The following VIPR2 variants were observed in gnomAD, a reference collection of about 807,000 sequenced individuals.
VIPR2 encodes the protein vasoactive intestinal peptide receptor 2.
A neutral mutation model predicts 58.0 loss-of-function variants in VIPR2; 48 were observed. The observed-to-expected ratio is 0.83, with a 90% CI of 0.66 to 1.05. VIPR2 has a LOEUF of 1.05. Ranked by LOEUF, VIPR2 falls within the 50% of genes least tolerant of loss-of-function variation. VIPR2 has a pLI of 0.00. For missense variants in VIPR2, 534 were observed against 558.0 expected (o/e 0.96, Z 0.43); for synonymous variants, 243 against 235.2 (o/e 1.03, Z -0.30).
rs146578970 is a variant in VIPR2, at chr7:159,067,038, T to G, written c.358-8460A>C. 3.0e-4 allele frequency among the ~76,000 whole-genome samples: 45 copies of G among 152,280 alleles called. No individual in the cohort carries two copies. The South Asian group carries it at 9.2e-3, about 31-fold the overall frequency. On this transcript the variant is annotated intron_variant, in intron 4 of 12. Coordinates refer to ENST00000262178, the MANE Select transcript of VIPR2 (RefSeq NM_003382.5). ...TACTGAGATCGAAGTTAATTAAACT[T>G]ACGTAAAATTGACACGCCAGTGACT...
chr7:159,076,873 A>G (rs1856661490), intron 4 of VIPR2, among the ~76,000 whole-genome samples: 1 of 152,214 alleles, frequency 6.6e-6, no homozygotes, highest in African/African-American at 2.4e-5. Flanking sequence ...ATACAGACAT[A>G]CAACTTTTAT....
intron 2 of VIPR2, among the ~76,000 whole-genome samples, chr7:159,114,119 C>T (rs1053575352): frequency 6.6e-6 from 1 of 152,010 alleles, no homozygotes; most frequent in Non-Finnish European, 1.5e-5. Flanking sequence ...GAACATTGTG[C>T]AGGCCAAAGC....
At chr7:159,034,329 G>A in intron 9 of VIPR2, 25 bp from the exon 10 acceptor site, 1 of 1,609,134 alleles carries the variant, frequency 6.2e-7, no homozygotes, top group South Asian at 1.1e-5. Context: ...ATAAGTTTGT[G>A]AAACAGACAC....
At chr7:159,091,513 G>A (rs948875831) in intron 4 of VIPR2, among the ~76,000 whole-genome samples, 2 of 152,234 alleles carry the variant, frequency 1.3e-5, no homozygotes, top group Admixed American at 6.5e-5. Flanking sequence ...GTGAAAGGTT[G>A]TGTAATCCCA....
intron 4 of VIPR2, among the ~76,000 whole-genome samples, chr7:159,065,591 C>G (rs911026832): frequency 6.6e-6 from 1 of 152,210 alleles, no homozygotes; most frequent in Admixed American, 6.5e-5. Flanking sequence ...ACACACTGTT[C>G]CTTGCATGTA....
intron 3 of VIPR2, among the ~76,000 whole-genome samples, chr7:159,105,565 G>A (rs944250106): frequency 2.0e-5 from 3 of 152,126 alleles, no homozygotes; most frequent in Admixed American, 1.3e-4. Flanking sequence ...CTGGGGAGGA[G>A]TGGGGTGGGA....
In VIPR2 at chr7:159,031,914, G is replaced by T; in HGVS notation, c.1101+24C>A. 6.2e-7 allele frequency: 1 copy of T among 1,614,116 alleles called. No homozygotes were observed. The highest frequency in any genetic ancestry group is 8.5e-7 in the Non-Finnish European group (1 of 1,180,048). On this transcript the variant is annotated intron_variant, in intron 11 of 12. Transcript: ENST00000262178. This position sits in a 1 kb window ranked among gnomAD's most constrained non-coding sequence, Gnocchi z 4.0. The stretch of plus-strand genomic sequence containing the variant: ...TCAGGCAGGACCCGCGCTCGGGGGA[G>T]GGCGGCCGCCTCCGCACACCTACCT...
chr7:159,143,443 T>A (rs1166299943), intron 1 of VIPR2, among the ~76,000 whole-genome samples: 1 of 151,918 alleles, frequency 6.6e-6, no homozygotes, highest in Non-Finnish European at 1.5e-5. Flanking sequence ...TTGGGCGTAC[T>A]ATGGCCATCT....
chr7:159,104,003 T>A, intron 3 of VIPR2, 149 bp from the exon 4 acceptor site: 1 of 675,524 alleles, frequency 1.5e-6, no homozygotes. Flanking sequence ...CAAAAAACCT[T>A]CCTTGCCCTC....
chr7:159,044,365 T>C (rs901743757), intron 5 of VIPR2, among the ~76,000 whole-genome samples: 5 of 152,124 alleles, frequency 3.3e-5, no homozygotes, highest in Non-Finnish European at 7.4e-5. Context: ...TGGGAGACTG[T>C]GATTCCAGAG....
intron 8 of VIPR2, among the ~76,000 whole-genome samples, chr7:159,035,482 G>A (rs538992295): frequency 4.6e-5 from 7 of 152,332 alleles, no homozygotes; most frequent in East Asian, 1.9e-4. Context: ...CTGGAACCAC[G>A]CGTGCTCATG....
chr7:159,031,004 C>T lies in VIPR2; in HGVS notation c.1144-215G>A, dbSNP rs1465574425. 2.0e-4 allele frequency among the ~76,000 whole-genome samples: 30 copies of T among 152,256 alleles called. No individual in the cohort carries two copies. Reference sequence around the variant, plus strand: ...GGAGGGCGGGGGACGCTGCCAGACTCTAAGACTGTGCGTGGGTGGTTCGGG... The same window carrying T: ...GGAGGGCGGGGGACGCTGCCAGACTTTAAGACTGTGCGTGGGTGGTTCGGG... On this transcript the variant is annotated intron_variant, in intron 12 of 12. Coordinates refer to ENST00000262178, the MANE Select transcript of VIPR2 (RefSeq NM_003382.5). The surrounding 1 kb of genome is among the most constrained non-coding windows in gnomAD (Gnocchi z 4.0).
chr7:159,137,615 C>G (rs973454679), intron 2 of VIPR2, among the ~76,000 whole-genome samples: 1 of 152,200 alleles, frequency 6.6e-6, no homozygotes. Flanking sequence ...AAGTTACCCT[C>G]CTGCCTCGAT....
intron 2 of VIPR2, among the ~76,000 whole-genome samples, chr7:159,120,896 G>A (rs1483866843): frequency 6.6e-6 from 1 of 152,172 alleles, no homozygotes; most frequent in African/African-American, 2.4e-5. Context: ...TATTTAATAT[G>A]TTTGGCTCCA....
intron 4 of VIPR2, among the ~76,000 whole-genome samples, chr7:159,075,064 C>A (rs1447801566): frequency 2.0e-5 from 3 of 152,128 alleles, no homozygotes; most frequent in Non-Finnish European, 4.4e-5. Flanking sequence ...GGCTAAGAAA[C>A]CTCTTGTTCT....
In VIPR2 at chr7:159,030,741, A is replaced by G; in HGVS notation, c.1192T>C (p.Ser398Pro). 2 of 1,587,596 alleles carry G rather than the reference A, an allele frequency of 1.3e-6. No homozygotes were observed. Among genetic ancestry groups the G allele is most frequent in the Admixed American group, 3.5e-5 (2 of 56,728 alleles). The change falls in exon 13 of 13, where the codon TCC becomes CCC. Residue 398 changes from serine to proline, a missense_variant. Coordinates refer to ENST00000262178, the MANE Select transcript of VIPR2 (RefSeq NM_003382.5). The stretch of plus-strand genomic sequence containing the variant: ...CAGACCCTGTAATCCCGGCTCGCGG[A>G]CGGGGTCGGGCACCGGCTTCGCCAT... ...RKWRSRCPTP[S>P]ASRDYRVCGS...
rs1293355909 is a variant in VIPR2 at position 159,031,356 on chromosome 7, G to T, written c.1143+472C>A. ...AGGGGTCAGGGGACGGGGCCAGGCC[G>T]TTGGAGCAGCCCGGAGACAGCCTCC... On this transcript the variant is annotated intron_variant, in intron 12 of 12. Transcript: ENST00000262178. This position sits in a 1 kb window ranked among gnomAD's most constrained non-coding sequence, Gnocchi z 4.0. 2 of 894,910 alleles carry T rather than the reference G, an allele frequency of 2.2e-6. No homozygotes were observed. The highest frequency in any genetic ancestry group is 5.1e-5 in the South Asian group (1 of 19,462). 55.4% of individuals were successfully genotyped at this position (894,910 alleles called of 1,614,324 possible). A position where few individuals can be genotyped will look rare whatever the true frequency, so the allele number is the denominator to read the frequency against.
rs367828007 is a variant in VIPR2 at position 159,121,469 on chromosome 7, C to G, written c.152-11550G>C. ...CTTAGGGCCATAATGAATCTGAGAC[C>G]CCAGGAGTTCATTTTGACACACTGT... On this transcript the variant is annotated intron_variant, in intron 2 of 12. Coordinates refer to ENST00000262178, the MANE Select transcript of VIPR2 (RefSeq NM_003382.5). Among the ~76,000 whole-genome samples the G allele has an allele frequency of 7.9e-5, 12 of 152,216 alleles. No homozygotes were observed. The East Asian group carries it at 2.1e-3, about 27-fold the overall frequency.
At chr7:159,034,935 G>A (rs558973655) in intron 8 of VIPR2, among the ~76,000 whole-genome samples, 3 of 152,310 alleles carry the variant, frequency 2.0e-5, no homozygotes, top group African/African-American at 7.2e-5. Flanking sequence ...GAGCATGAAC[G>A]TGTGTCAGCC....
Sources: gnomAD v4.1 joint callset for allele counts (sites outside exome capture counted in the v4.1 genomes callset) on GRCh38, gnomAD v4.1.1 for gene constraint, Gnocchi (gnomAD v3.1) non-coding constraint, MANE v1.5 for transcripts, NCBI Gene and HGNC (gene_info 2026-07-23, HGNC 2026-07-21) for gene names.